Variants in MRPL53 observed in about 807,000 individuals in gnomAD.
MRPL53 encodes large ribosomal subunit protein mL53.
MRPL53 carries 7 observed loss-of-function variants against 7.5 expected under a neutral mutation model. That is an observed-to-expected ratio of 0.93 (90% CI 0.53 to 1.75). MRPL53 has a LOEUF of 1.75. Among genes scored for constraint, MRPL53 ranks in the 40% most tolerant of loss-of-function variants. The pLI is 0.00. For missense variants in MRPL53, 185 were observed against 159.0 expected, an observed-to-expected ratio of 1.16 and a Z score of -0.88; for synonymous variants, 84 against 64.4, an observed-to-expected ratio of 1.30 and a Z score of -1.46.
rs770574428 is a variant in MRPL53, at chr2:74,472,675, C to G, written c.-15G>C. ...GCAGCTGCCATGGTGACCTCCGCCC[C>G]GGAAGAACTCGTGCAGGCGGAAGTG... On this transcript the variant is annotated 5_prime_UTR_variant, in exon 1 of 3. Coordinates refer to ENST00000258105, the MANE Select transcript of MRPL53 (RefSeq NM_053050.5). 5.6e-6 allele frequency: 9 copies of G among 1,614,072 alleles called. No homozygotes were observed. The South Asian group carries it at 7.7e-5, about 14-fold the overall frequency.
rs752716333 is a variant in MRPL53, at chr2:74,472,111, T to G, written c.*8A>C. ...GCTAAAATCATCTTGTTGGTCTCTTTGGCGCTGTCAGCGACCAGTATCAGC... is the reference window on the plus strand; with the variant it reads ...GCTAAAATCATCTTGTTGGTCTCTTGGGCGCTGTCAGCGACCAGTATCAGC... On this transcript the variant is annotated 3_prime_UTR_variant, in exon 3 of 3. Coordinates refer to ENST00000258105, the MANE Select transcript of MRPL53 (RefSeq NM_053050.5). The G allele has an allele frequency of 6.2e-7, 1 of 1,613,784 alleles. No individual in the cohort carries two copies. The highest frequency in any genetic ancestry group is 8.5e-7 in the Non-Finnish European group (1 of 1,179,972).
chr2:74,472,188 G>C lies in MRPL53; in HGVS notation c.270C>G (p.Phe90Leu). 5 of 1,614,202 alleles carry C rather than the reference G, an allele frequency of 3.1e-6. No homozygotes were observed. Among genetic ancestry groups the C allele is most frequent in the South Asian group, 1.1e-5 (1 of 91,090 alleles). ...CGTCCCTGGCCCGGATGTGGGAGGC[G>C]AAGGCGGTGAGCATTTCCAGAGCGG... ...HLTALEMLTA[F>L]ASHIRARDAA... is the part of the protein sequence containing the mutation. The change falls in exon 3 of 3, where the codon TTC becomes TTG. Residue 90 changes from phenylalanine (F) to leucine (L), a missense_variant. Phe to Leu is a conservative substitution (Grantham distance 22, BLOSUM62 0). Transcript: ENST00000258105.
chr2:74,472,031 A>C lies in MRPL53; in HGVS notation c.*88T>G. 6.5e-7 allele frequency: 1 copy of C among 1,546,890 alleles called. No individual in the cohort carries two copies. Among genetic ancestry groups the C allele is most frequent in the South Asian group, 1.2e-5 (1 of 85,626 alleles). Reference sequence around the variant, plus strand: ...TATTTTGCGCTCCGTGACCCTTCAGATAGTGATTTGAATGATTAAGTGAAA... The same window carrying C: ...TATTTTGCGCTCCGTGACCCTTCAGCTAGTGATTTGAATGATTAAGTGAAA... On this transcript the variant is annotated 3_prime_UTR_variant, in exon 3 of 3. Coordinates refer to ENST00000258105, the MANE Select transcript of MRPL53 (RefSeq NM_053050.5).
rs1672192702 is a variant in MRPL53 at position 74,472,208 on chromosome 2, G to A, written c.250C>T (p.Leu84=). 1 of 1,614,204 alleles carries A rather than the reference G, an allele frequency of 6.2e-7. No individual in the cohort carries two copies. Among genetic ancestry groups the A allele is most frequent in the African/African-American group, 1.3e-5 (1 of 75,064 alleles). ...GAGGCGAAGGCGGTGAGCATTTCCAGAGCGGTGAGATGAGCGCCGCGCATA... is the reference window on the plus strand; with the variant it reads ...GAGGCGAAGGCGGTGAGCATTTCCAAAGCGGTGAGATGAGCGCCGCGCATA... ...LIMRGAHLTA[L]EMLTAFASHI... The change falls in exon 3 of 3, where the codon CTG becomes TTG. Residue 84 remains leucine, a synonymous_variant. Coordinates refer to ENST00000258105, the MANE Select transcript of MRPL53 (RefSeq NM_053050.5).
chr2:74,472,542 C>T (rs1672205612), intron 1 of MRPL53, 27 bp downstream of exon 1: 3 of 1,614,056 alleles, frequency 1.9e-6, no homozygotes, highest in Non-Finnish European at 2.5e-6. Flanking sequence ...GCACCACTTC[C>T]CGCTTCTACC....
Position 74,472,034 on chromosome 2 carries a change from G to C in MRPL53, c.*85C>G. 1.3e-6 allele frequency: 2 copies of C among 1,552,572 alleles called. No individual in the cohort carries two copies. The highest frequency in any genetic ancestry group is 1.8e-5 in the Admixed American group (1 of 55,724). ...TTTGCGCTCCGTGACCCTTCAGATA[G>C]TGATTTGAATGATTAAGTGAAACTC... is the stretch of plus-strand genomic sequence containing the variant. On this transcript the variant is annotated 3_prime_UTR_variant, in exon 3 of 3. Coordinates refer to ENST00000258105, the MANE Select transcript of MRPL53 (RefSeq NM_053050.5).
In MRPL53 at chr2:74,472,248, G is replaced by A. The variant is rs771339272; in HGVS notation, c.210C>T (p.Asp70=). The A allele has an allele frequency of 6.2e-6, 10 of 1,614,082 alleles. No individual in the cohort carries two copies. Among genetic ancestry groups the A allele is most frequent in the African/African-American group, 1.3e-5 (1 of 75,052 alleles). Residue 70 remains aspartate (D), a synonymous_variant, in exon 3 of 3, where the codon GAC becomes GAT. Transcript: ENST00000258105. ...SEPCVDVLFG[D]GHRLIMRGAH... ...CGCCGCGCATAATCAGGCGATGCCC[G>A]TCTCCTGGGGAAGAAACAAACGAGT...
chr2:74,472,457 T>G lies in MRPL53; in HGVS notation c.106A>C (p.Thr36Pro). 1 of 1,613,992 alleles carries G rather than the reference T, an allele frequency of 6.2e-7. No homozygotes were observed. The highest frequency in any genetic ancestry group is 8.5e-7 in the Non-Finnish European group (1 of 1,179,912). Residue 36 changes from threonine (T) to proline (P), a missense_variant, in exon 2 of 3, where the codon ACG (threonine) becomes CCG (proline). Thr to Pro is a conservative substitution (Grantham distance 38). Transcript: ENST00000258105. The part of the protein sequence containing the change: ...NVESTRTFLQ[T>P]VSSEKVRSTN... ...GAGCGGACCTTCTCACTGCTCACCG[T>G]CTGCAGGAAGGTCCTACGGTGGAAA...
At position 74,472,397 on chromosome 2, in the gene MRPL53, TC is replaced by T; in HGVS notation, c.165del (p.Arg56GlyfsTer19). 1.2e-6 allele frequency: 2 copies of T among 1,613,984 alleles called. No homozygotes were observed. Among genetic ancestry groups the T allele is most frequent in the Non-Finnish European group, 1.7e-6 (2 of 1,179,944 alleles). On this transcript the variant is annotated frameshift_variant, in exon 2 of 3. Transcript: ENST00000258105. LOFTEE classifies it high-confidence loss of function. The part of the protein sequence containing the change: ...TNLNCSVIAD[V>X]RHDGSEPCVD... ...ACGCAGGGCTCGGAGCCGTCATGCC[TC>T]ACGTCCGCAATCACTGAGCAGTTGA... is the stretch of plus-strand genomic sequence containing the variant.
Position 74,472,352 on chromosome 2 carries a change from G to A in MRPL53, c.205+6C>T, listed in dbSNP as rs1368033821. On this transcript the variant is annotated splice_donor_region_variant and intron_variant, in intron 2 of 2. Coordinates refer to ENST00000258105, the MANE Select transcript of MRPL53 (RefSeq NM_053050.5). Reference sequence around the variant, plus strand: ...GTTCCCTCCTGCCCGTCTCCACCAAGCCCACCGAACAGCACGTCCACGCAG... The same window carrying A: ...GTTCCCTCCTGCCCGTCTCCACCAAACCCACCGAACAGCACGTCCACGCAG... 1.2e-6 allele frequency: 2 copies of A among 1,613,472 alleles called. No individual in the cohort carries two copies. Among genetic ancestry groups the A allele is most frequent in the East Asian group, 2.2e-5 (1 of 44,878 alleles).
rs1672187548 is a variant in MRPL53 at position 74,471,995 on chromosome 2, G to T, written c.*124C>A. On this transcript the variant is annotated 3_prime_UTR_variant, in exon 3 of 3. Transcript: ENST00000258105. ...GTTCCAGAAACATTGTGGTAGCAGG[G>T]TTTTAAACTTTATTTTGCGCTCCGT... 7 of 1,294,080 alleles carry T rather than the reference G, an allele frequency of 5.4e-6. No individual in the cohort carries two copies. Among genetic ancestry groups the T allele is most frequent in the Non-Finnish European group, 7.5e-6 (7 of 933,678 alleles). 80.2% of individuals were successfully genotyped at this position (1,294,080 alleles called of 1,614,324 possible).
intron 2 of MRPL53, 37 bp from the exon 3 acceptor site, chr2:74,472,289 C>G (rs1358327503): frequency 9.9e-6 from 16 of 1,613,286 alleles, no homozygotes; most frequent in African/African-American, 1.3e-5. Context: ...AGGGAGGGAC[C>G]GCAGTGCTGG....
rs760197888 is a variant in MRPL53 at position 74,472,602 on chromosome 2, A to T, written c.59T>A (p.Phe20Tyr). 8 of 1,614,108 alleles carry T rather than the reference A, an allele frequency of 5.0e-6. No homozygotes were observed. The African/African-American group carries it at 9.3e-5, about 19-fold the overall frequency. The change falls in exon 1 of 3, where the codon TTC becomes TAC. Residue 20 changes from phenylalanine (F) to tyrosine (Y), a missense_variant. Physicochemically the swap from Phe to Tyr is conservative, Grantham distance 22. Coordinates refer to ENST00000258105, the MANE Select transcript of MRPL53 (RefSeq NM_053050.5). Reference sequence around the variant, plus strand: ...TTCCACGTTTTTCTCGAAGGGACAGAACTGAACCCGAACCTGTTTGACAGG... The same window carrying T: ...TTCCACGTTTTTCTCGAAGGGACAGTACTGAACCCGAACCTGTTTGACAGG... ...LRPVKQVRVQFCPFEKNVEST... is the reference protein window; with the variant it reads ...LRPVKQVRVQYCPFEKNVEST...
rs775512008 is a variant in MRPL53 at position 74,472,476 on chromosome 2, G to A, written c.93-6C>T. ...TCACCGTCTGCAGGAAGGTCCTACG[G>A]TGGAAAAACAGAGGAGCGCCAAGCT... On this transcript the variant is annotated splice_region_variant and splice_polypyrimidine_tract_variant and intron_variant, in intron 1 of 2. Transcript: ENST00000258105. 5 of 1,613,998 alleles carry A rather than the reference G, an allele frequency of 3.1e-6. No individual in the cohort carries two copies. Among genetic ancestry groups the A allele is most frequent in the Non-Finnish European group, 4.2e-6 (5 of 1,179,846 alleles).
Position 74,471,989 on chromosome 2 carries a change from A to C in MRPL53, c.*130T>G. On this transcript the variant is annotated 3_prime_UTR_variant, in exon 3 of 3. Transcript: ENST00000258105. ...AGTCTTGTTCCAGAAACATTGTGGT[A>C]GCAGGGTTTTAAACTTTATTTTGCG... 8.5e-7 allele frequency: 1 copy of C among 1,181,688 alleles called. No homozygotes were observed. The highest frequency in any genetic ancestry group is 1.2e-6 in the Non-Finnish European group (1 of 839,812). The allele number at this position is 1,181,688 out of a possible 1,614,324, so 73.2% of individuals were successfully genotyped here.
chr2:74,472,216 A>C lies in MRPL53; in HGVS notation c.242T>G (p.Leu81Arg), dbSNP rs1421673367. The C allele has an allele frequency of 6.2e-7, 1 of 1,614,126 alleles. No homozygotes were observed. The highest frequency in any genetic ancestry group is 1.7e-5 in the Admixed American group (1 of 60,004). ...GHRLIMRGAHLTALEMLTAFA... is the reference protein window; with the variant it reads ...GHRLIMRGAHRTALEMLTAFA... ...GGCGGTGAGCATTTCCAGAGCGGTG[A>C]GATGAGCGCCGCGCATAATCAGGCG... The change falls in exon 3 of 3, where the codon CTC becomes CGC. Residue 81 changes from leucine (L) to arginine (R), a missense_variant. Leu to Arg is a moderately radical substitution (Grantham distance 102, BLOSUM62 -2). Transcript: ENST00000258105.
chr2:74,472,478 G>A lies in MRPL53; in HGVS notation c.93-8C>T, dbSNP rs1287589324. The A allele has an allele frequency of 1.2e-6, 2 of 1,613,958 alleles. No homozygotes were observed. The highest frequency in any genetic ancestry group is 1.1e-5 in the South Asian group (1 of 91,084). On this transcript the variant is annotated splice_region_variant and splice_polypyrimidine_tract_variant and intron_variant, in intron 1 of 2. Transcript: ENST00000258105. ...ACCGTCTGCAGGAAGGTCCTACGGT[G>A]GAAAAACAGAGGAGCGCCAAGCTGA...
chr2:74,472,000 A>T lies in MRPL53; in HGVS notation c.*119T>A. On this transcript the variant is annotated 3_prime_UTR_variant, in exon 3 of 3. Coordinates refer to ENST00000258105, the MANE Select transcript of MRPL53 (RefSeq NM_053050.5). ...AGAAACATTGTGGTAGCAGGGTTTT[A>T]AACTTTATTTTGCGCTCCGTGACCC... 7.3e-7 allele frequency: 1 copy of T among 1,364,628 alleles called. No homozygotes were observed. Among genetic ancestry groups the T allele is most frequent in the Non-Finnish European group, 1.0e-6 (1 of 994,674 alleles). The allele number at this position is 1,364,628 out of a possible 1,614,324, so 84.5% of individuals were successfully genotyped here. A position where few individuals can be genotyped will look rare whatever the true frequency, so the allele number is the denominator to read the frequency against.
intron 1 of MRPL53, 25 bp downstream of exon 1, chr2:74,472,544 G>A (rs1672205661): frequency 1.9e-6 from 3 of 1,613,660 alleles, no homozygotes; most frequent in Non-Finnish European, 2.5e-6. Flanking sequence ...ACCACTTCCC[G>A]CTTCTACCCA....
Sources: allele counts gnomAD v4.1 joint callset, GRCh38; gene constraint gnomAD v4.1.1; transcripts MANE v1.5; gene names NCBI Gene and HGNC (gene_info 2026-07-23, HGNC 2026-07-21).